Variants in TLL2 observed in about 807,000 individuals in gnomAD.
TLL2 encodes the protein tolloid-like protein 2.
A neutral mutation model predicts 123.0 loss-of-function variants in TLL2; 106 were observed. The ratio of observed to expected loss-of-function variants is 0.86; its 90% CI spans 0.74 to 1.01. TLL2 has a LOEUF of 1.01. TLL2 is among the 50% of genes least tolerant of loss of function. The pLI is 0.00. For synonymous variants in TLL2, 494 were observed against 516.8 expected (o/e 0.96, Z 0.60); for missense variants, 1,332 against 1,336.7 (o/e 1.00, Z 0.06).
rs924161248 is a variant in TLL2, at chr10:96,367,503, T to C, written c.*585A>G. ...TGGTCTCCTAACTTCATGACAATGA[T>C]TCTTATACTCGAAACTCCCTCTGTG... On this transcript the variant is annotated 3_prime_UTR_variant, in exon 21 of 21. Coordinates refer to ENST00000357947, the MANE Select transcript of TLL2 (RefSeq NM_012465.4). The C allele has an allele frequency of 1.3e-5, 2 of 152,770 alleles. No individual in the cohort carries two copies. The highest frequency in any genetic ancestry group is 1.3e-4 in the Admixed American group (2 of 15,368). The allele number at this position is 152,770 out of a possible 1,614,324, so 9.5% of individuals were successfully genotyped here. A position where few individuals can be genotyped will look rare whatever the true frequency, so the allele number is the denominator to read the frequency against.
At chr10:96,508,266 G>C (rs891318670) in intron 1 of TLL2, among the ~76,000 whole-genome samples, 2 of 152,222 alleles carry the variant, frequency 1.3e-5, no homozygotes, top group African/African-American at 4.8e-5. Context: ...CACTGGCCCA[G>C]AGCTGCTTCA....
intron 9 of TLL2, among the ~76,000 whole-genome samples, chr10:96,407,131 A>T (rs1338942295): frequency 6.6e-6 from 1 of 152,012 alleles, no homozygotes; most frequent in East Asian, 1.9e-4. Context: ...AGGAAACCTC[A>T]GTGGCTCTCT....
chr10:96,476,167 C>A (rs1178989854), intron 2 of TLL2, among the ~76,000 whole-genome samples: 7 of 148,634 alleles, frequency 4.7e-5, no homozygotes, highest in African/African-American at 1.7e-4. Context: ...CATCTTCCCA[C>A]ACATTTGGAA....
intron 1 of TLL2, among the ~76,000 whole-genome samples, chr10:96,505,626 G>A (rs911517599): frequency 2.6e-5 from 4 of 152,112 alleles, no homozygotes; most frequent in East Asian, 1.9e-4. Context: ...GCCTACAGCC[G>A]TGGAGTGGTA....
Position 96,422,594 on chromosome 10 carries a change from C to A in TLL2, c.772G>T (p.Asp258Tyr). The A allele has an allele frequency of 6.2e-7, 1 of 1,614,192 alleles. No individual in the cohort carries two copies. ...ATGATGGTGACATGTTGGTCTCTGT[C>A]TGGCCGGGTGTGTTCATGCCAAAAC... ...VGFWHEHTRP[D>Y]RDQHVTIIRE... Residue 258 changes from aspartate (D) to tyrosine (Y), a missense_variant, in exon 6 of 21, where the codon GAC becomes TAC. Physicochemically the swap from Asp to Tyr is radical, Grantham distance 160. Transcript: ENST00000357947.
chr10:96,446,143 C>G lies in TLL2; in HGVS notation c.312G>C (p.Glu104Asp), dbSNP rs768475816. The change falls in exon 3 of 21, where the codon GAG (glutamate) becomes GAC (aspartate). Residue 104 changes from glutamate to aspartate, a missense_variant. Glu to Asp is a conservative substitution (Grantham distance 45). Transcript: ENST00000357947. ...CCATGGCTGTGGTGTCTGGGCTGCT[C>G]TCAGATGCCTGCTCTTCAAGCCCAC... The part of the protein sequence containing the change: ...STGGLEEQAS[E>D]SSPDTTAMDT... 1.2e-6 allele frequency: 2 copies of G among 1,614,106 alleles called. No individual in the cohort carries two copies. Among genetic ancestry groups the G allele is most frequent in the South Asian group, 2.2e-5 (2 of 91,070 alleles).
Position 96,370,152 on chromosome 10 carries a change from C to T in TLL2, c.2826G>A (p.Glu942=), listed in dbSNP as rs1846066644. Residue 942 remains glutamate (E), a synonymous_variant, in exon 20 of 21, where the codon GAG becomes GAA. Coordinates refer to ENST00000357947, the MANE Select transcript of TLL2 (RefSeq NM_012465.4). ...ELTFRTFEVE[E]EADCGYDYME... ...TGTAGTCGTAGCCGCAGTCGGCCTC[C>T]TCCTCAACCTCAAAGGTCCGGAATG... 6.2e-7 allele frequency: 1 copy of T among 1,614,168 alleles called. No homozygotes were observed. Among genetic ancestry groups the T allele is most frequent in the Non-Finnish European group, 8.5e-7 (1 of 1,180,004 alleles).
intron 15 of TLL2, among the ~76,000 whole-genome samples, chr10:96,385,418 A>G (rs1846224886): frequency 6.6e-6 from 1 of 152,164 alleles, no homozygotes; most frequent in Non-Finnish European, 1.5e-5. Context: ...CATGGCCTCC[A>G]TGCATTGGGG....
At chr10:96,400,065 CT>C (rs1337953356) in intron 10 of TLL2, among the ~76,000 whole-genome samples, 5 of 152,174 alleles carry the variant, frequency 3.3e-5, no homozygotes, top group Admixed American at 1.3e-4. Context: ...TACTTTGTCC[CT>C]TAACTGATGT....
At chr10:96,489,879 G>C (rs1023906831) in intron 1 of TLL2, among the ~76,000 whole-genome samples, 2 of 151,952 alleles carry the variant, frequency 1.3e-5, no homozygotes, top group Non-Finnish European at 2.9e-5. Context: ...GGTGGATTAC[G>C]TGAGGTCAGG....
chr10:96,510,269 C>T (rs1361907384), intron 1 of TLL2, among the ~76,000 whole-genome samples: 1 of 152,192 alleles, frequency 6.6e-6, no homozygotes, highest in Non-Finnish European at 1.5e-5. Flanking sequence ...GAACCCTTAG[C>T]TGTATTGACA....
rs1846019827 is a variant in TLL2, at chr10:96,365,816, GA to G, written c.*2271del. 6.6e-6 allele frequency: 1 copy of G among 152,240 alleles called. No homozygotes were observed. Among genetic ancestry groups the G allele is most frequent in the African/African-American group, 2.4e-5 (1 of 41,466 alleles). The allele number at this position is 152,240 out of a possible 1,614,324, so 9.4% of individuals were successfully genotyped here. A position where few individuals can be genotyped will look rare whatever the true frequency, so the allele number is the denominator to read the frequency against. On this transcript the variant is annotated 3_prime_UTR_variant, in exon 21 of 21. Transcript: ENST00000357947. The stretch of plus-strand genomic sequence containing the variant: ...CTCTTTTCTGTGGATACGTCACACA[GA>G]AGGCCTAAATAAAGGTTTTTCATAA...
intron 2 of TLL2, among the ~76,000 whole-genome samples, chr10:96,473,055 C>CA (rs893153856): frequency 1.7e-4 from 26 of 152,032 alleles, no homozygotes; most frequent in African/African-American, 5.8e-4. Context: ...TCAGCCCCCC[C>CA]CAATCAGATG....
chr10:96,388,417 G>A (rs1846257527), intron 13 of TLL2, among the ~76,000 whole-genome samples: 2 of 152,256 alleles, frequency 1.3e-5, no homozygotes, highest in African/African-American at 4.8e-5. Flanking sequence ...AACAAAAAAA[G>A]TTGTTCACCA....
intron 5 of TLL2, among the ~76,000 whole-genome samples, chr10:96,425,397 G>A (rs886726573): frequency 6.6e-6 from 1 of 151,714 alleles, no homozygotes. Flanking sequence ...ATCTATAAAT[G>A]TTGGTGTTTA....
At chr10:96,402,662 T>C (rs1403380333) in intron 10 of TLL2, among the ~76,000 whole-genome samples, 1 of 152,334 alleles carries the variant, frequency 6.6e-6, no homozygotes, top group Admixed American at 6.5e-5. Context: ...CGTGCTCCTG[T>C]CCGTACTTGG....
chr10:96,398,321 T>C (rs1846359817), intron 10 of TLL2, among the ~76,000 whole-genome samples: 1 of 152,136 alleles, frequency 6.6e-6, no homozygotes, highest in African/African-American at 2.4e-5. Flanking sequence ...AGAGGACTCA[T>C]TGGTTAGGGA....
chr10:96,502,029 C>G (rs921362832), intron 1 of TLL2, among the ~76,000 whole-genome samples: 1 of 152,102 alleles, frequency 6.6e-6, no homozygotes, highest in African/African-American at 2.4e-5. Context: ...AAAACAAAGG[C>G]GATGAGAAAC....
intron 5 of TLL2, among the ~76,000 whole-genome samples, chr10:96,428,040 C>T (rs954249958): frequency 2.0e-5 from 3 of 152,140 alleles, no homozygotes; most frequent in Non-Finnish European, 4.4e-5. Context: ...GGTGATCTGC[C>T]CACCTCAGCC....
Sources: gnomAD v4.1 joint callset for allele counts (sites outside exome capture counted in the v4.1 genomes callset) on GRCh38, gnomAD v4.1.1 for gene constraint, MANE v1.5 for transcripts, NCBI Gene and HGNC (gene_info 2026-07-23, HGNC 2026-07-21) for gene names.